The following VPS13B variants were observed in gnomAD, a reference collection of about 807,000 sequenced individuals.
The protein encoded by VPS13B is vacuolar protein sorting 13 homolog B.
In VPS13B, 285 loss-of-function variants were observed where a neutral mutation model predicts 426.4. The observed-to-expected ratio is 0.67, with a 90% CI of 0.61 to 0.74. The LOEUF (loss-of-function observed/expected upper bound fraction) is 0.74. Ranked by LOEUF, VPS13B falls within the 30% of genes least tolerant of loss-of-function variation. The pLI is 0.00. For synonymous variants in VPS13B, 1,676 were observed against 1,676.4 expected (o/e 1.00, Z 0.01); for missense variants, 4,537 against 4,782.6 (o/e 0.95, Z 1.51).
intron 19 of VPS13B, among the ~76,000 whole-genome samples, chr8:99,311,805 A>G (rs1287758290): frequency 6.6e-6 from 1 of 152,154 alleles, no homozygotes; most frequent in Non-Finnish European, 1.5e-5. Flanking sequence ...GTGGGAGTCT[A>G]AGTCTCTTTG....
intron 7 of VPS13B, 61 bp downstream of exon 7, chr8:99,115,935 T>G: frequency 6.5e-7 from 1 of 1,542,196 alleles, no homozygotes; most frequent in East Asian, 2.3e-5. Context: ...GTTTTACCAT[T>G]GGGAAACTTT....
At chr8:99,183,028 C>G (rs139877922) in intron 16 of VPS13B, among the ~76,000 whole-genome samples, 1 of 152,066 alleles carries the variant, frequency 6.6e-6, no homozygotes, top group Non-Finnish European at 1.5e-5. Flanking sequence ...CGTGAGCCAC[C>G]GCACCTGGCT....
At chr8:99,023,653 G>C (rs1186034752) in intron 2 of VPS13B, among the ~76,000 whole-genome samples, 2 of 151,796 alleles carry the variant, frequency 1.3e-5, no homozygotes, top group Non-Finnish European at 2.9e-5. Flanking sequence ...GCTAATTTTT[G>C]TATTTTTAGT....
intron 51 of VPS13B, among the ~76,000 whole-genome samples, chr8:99,831,339 A>G (rs1320760276): frequency 4.6e-5 from 7 of 152,184 alleles, no homozygotes; most frequent in Admixed American, 1.3e-4. Flanking sequence ...CCAAATTGCT[A>G]GGATTACAGA....
intron 3 of VPS13B, among the ~76,000 whole-genome samples, chr8:99,041,794 A>G (rs1000167575): frequency 6.6e-6 from 1 of 150,594 alleles, no homozygotes. Flanking sequence ...TGGAGTTTGC[A>G]GTGATCCGAG....
intron 21 of VPS13B, among the ~76,000 whole-genome samples, chr8:99,416,269 C>A (rs772526668): frequency 2.0e-5 from 3 of 152,160 alleles, no homozygotes; most frequent in African/African-American, 2.4e-5. Flanking sequence ...CCCGCCCCCC[C>A]ACCAAGCTCC....
intron 31 of VPS13B, among the ~76,000 whole-genome samples, chr8:99,565,336 A>T (rs1825127931): frequency 6.6e-6 from 1 of 151,050 alleles, no homozygotes; most frequent in Non-Finnish European, 1.5e-5. Flanking sequence ...TTATATACAC[A>T]TAATAAATTA....
At chr8:99,063,773 G>T (rs11985761) in intron 3 of VPS13B, among the ~76,000 whole-genome samples, 2,505 of 152,296 alleles carry the variant, frequency 0.016, 71 homozygotes, top group African/African-American at 0.057. Context: ...CTCCTCAAGT[G>T]GGTCCCTGAC....
At chr8:99,312,991 G>T (rs1821096405) in intron 19 of VPS13B, among the ~76,000 whole-genome samples, 1 of 152,186 alleles carries the variant, frequency 6.6e-6, no homozygotes, top group Non-Finnish European at 1.5e-5. Flanking sequence ...TTGTCACGTA[G>T]TTCTCGTGCC....
In VPS13B at chr8:99,478,477, T is replaced by G. The variant is rs9771758; in HGVS notation, c.3667-3122T>G. On this transcript the variant is annotated intron_variant, in intron 24 of 61. Coordinates refer to ENST00000357162, the MANE Select transcript of VPS13B (RefSeq NM_152564.5). Reference sequence around the variant, plus strand: ...TTTTTTTTTTTTTTGTTTTTTGTTTTTTTTTTTTTGCCGAGGCAGGTGTGC... The same window carrying G: ...TTTTTTTTTTTTTTGTTTTTTGTTTGTTTTTTTTTGCCGAGGCAGGTGTGC... Among the ~76,000 whole-genome samples, 74 of 147,520 alleles carry G rather than the reference T, an allele frequency of 5.0e-4. 2 individuals carry two copies. Among genetic ancestry groups the G allele is most frequent in the African/African-American group, 1.3e-3 (53 of 40,308 alleles).
intron 46 of VPS13B, 88 bp from the exon 47 acceptor site, chr8:99,818,624 GA>G (rs1444708366): frequency 4.4e-6 from 7 of 1,603,136 alleles, no homozygotes; most frequent in East Asian, 2.2e-5. Flanking sequence ...CCAGGGAAGA[GA>G]TTTATTACAA....
intron 33 of VPS13B, among the ~76,000 whole-genome samples, chr8:99,607,549 AAGAG>A (rs1397378506): frequency 6.6e-6 from 1 of 152,186 alleles, no homozygotes; most frequent in African/African-American, 2.4e-5. Context: ...AAAAGTTAAT[AAGAG>A]AAAGTCTATT....
At position 99,051,242 on chromosome 8, in the gene VPS13B, A is replaced by C. The variant is rs1587965793; in HGVS notation, c.291+12676A>C. Reference sequence around the variant, plus strand: ...GGAAGGGATCCAGTTTCAGCTTTCTACATATGGCTAGCCAGTTTTCCCAGC... The same window carrying C: ...GGAAGGGATCCAGTTTCAGCTTTCTCCATATGGCTAGCCAGTTTTCCCAGC... On this transcript the variant is annotated intron_variant, in intron 3 of 61. Transcript: ENST00000357162. Among the ~76,000 whole-genome samples the C allele has an allele frequency of 2.6e-5, 4 of 152,290 alleles. No individual in the cohort carries two copies. In the South Asian group the frequency reaches 6.2e-4, roughly 24 times the overall value.
intron 52 of VPS13B, 126 bp downstream of exon 52, chr8:99,832,778 A>G: frequency 1.1e-6 from 1 of 935,092 alleles, no homozygotes; most frequent in Non-Finnish European, 1.6e-6. Flanking sequence ...ATTTTTAATT[A>G]CTTCTAGACA....
At chr8:99,641,089 A>G (rs149585688) in intron 33 of VPS13B, among the ~76,000 whole-genome samples, 2 of 152,300 alleles carry the variant, frequency 1.3e-5, no homozygotes, top group African/African-American at 4.8e-5. Context: ...TTTGTTCTAT[A>G]CATGGGGAGT....
At chr8:99,649,389 TC>T in intron 34 of VPS13B, among the ~76,000 whole-genome samples, 1 of 152,188 alleles carries the variant, frequency 6.6e-6, no homozygotes, top group East Asian at 1.9e-4. Context: ...GTCCTACAAA[TC>T]TCTAAGACTC....
At chr8:99,430,841 C>T (rs1319615802) in intron 21 of VPS13B, among the ~76,000 whole-genome samples, 1 of 151,948 alleles carries the variant, frequency 6.6e-6, no homozygotes, top group African/African-American at 2.4e-5. Flanking sequence ...GCCTCAGGCT[C>T]CCGAGTAGCT....
At chr8:99,718,629 G>A (rs533002288) in intron 37 of VPS13B, among the ~76,000 whole-genome samples, 15 of 151,498 alleles carry the variant, frequency 9.9e-5, no homozygotes, top group African/African-American at 3.4e-4. Flanking sequence ...CAACTAATTG[G>A]TCAATAATGG....
chr8:99,441,530 C>T (rs901689660), intron 22 of VPS13B, among the ~76,000 whole-genome samples: 23 of 152,014 alleles, frequency 1.5e-4, no homozygotes, highest in Admixed American at 1.1e-3. Flanking sequence ...ACTTAAGTAT[C>T]GTAGGCTGTT....
Sources: allele counts gnomAD v4.1 joint callset (sites outside exome capture counted in the v4.1 genomes callset), GRCh38; gene constraint gnomAD v4.1.1; transcripts MANE v1.5; gene names NCBI Gene and HGNC (gene_info 2026-07-23, HGNC 2026-07-21).